The following CADPS2 variants were observed in gnomAD, a reference collection of about 807,000 sequenced individuals.
CADPS2 encodes calcium-dependent secretion activator 2.
In CADPS2, 93 loss-of-function variants were observed where a neutral mutation model predicts 172.5. That is an observed-to-expected ratio of 0.54 (90% CI 0.46 to 0.64). The LOEUF is 0.64. Among genes scored for constraint, CADPS2 ranks in the 30% least tolerant of loss-of-function variants. The pLI, the probability that CADPS2 is intolerant of heterozygous loss-of-function variation, is 0.00. For synonymous variants in CADPS2, 546 were observed against 555.2 expected, an observed-to-expected ratio of 0.98 and a Z score of 0.23; for missense variants, 1,420 against 1,565.9, an observed-to-expected ratio of 0.91 and a Z score of 1.57.
intron 28 of CADPS2, among the ~76,000 whole-genome samples, chr7:122,337,774 A>G (rs75567480): frequency 6.6e-6 from 1 of 151,696 alleles, no homozygotes; most frequent in East Asian, 1.9e-4. Context: ...AAAAAAAAAA[A>G]GCTGAGGAGC....
chr7:122,419,436 T>C (rs903565729), intron 17 of CADPS2, among the ~76,000 whole-genome samples: 2 of 152,202 alleles, frequency 1.3e-5, no homozygotes, highest in Non-Finnish European at 2.9e-5. Context: ...AAAATAACTT[T>C]TAAGCCTCAA....
At chr7:122,386,092 A>G (rs78633424) in intron 24 of CADPS2, among the ~76,000 whole-genome samples, 4,367 of 152,174 alleles carry the variant, frequency 0.029, 223 homozygotes, top group African/African-American at 0.1. Flanking sequence ...TATTTAAGGT[A>G]TAAGTATTTA....
At chr7:122,813,212 G>C (rs1295573305) in intron 1 of CADPS2, among the ~76,000 whole-genome samples, 3 of 152,024 alleles carry the variant, frequency 2.0e-5, no homozygotes, top group Non-Finnish European at 2.9e-5. Flanking sequence ...GACCCTCCCT[G>C]CAAGAAGTAA....
intron 25 of CADPS2, among the ~76,000 whole-genome samples, chr7:122,372,483 T>C (rs1280790889): frequency 1.3e-5 from 2 of 152,172 alleles, no homozygotes; most frequent in African/African-American, 4.8e-5. Flanking sequence ...GATTGAGAAC[T>C]TGGGCTCGTT....
chr7:122,569,542 A>G (rs1344689675), intron 7 of CADPS2, among the ~76,000 whole-genome samples: 1 of 135,628 alleles, frequency 7.4e-6, no homozygotes, highest in African/African-American at 3.2e-5. Context: ...TTTAAAGTTC[A>G]TATGGAACCA....
chr7:122,732,402 T>C (rs1382681429), intron 2 of CADPS2, among the ~76,000 whole-genome samples: 1 of 151,086 alleles, frequency 6.6e-6, no homozygotes, highest in East Asian at 1.9e-4. Context: ...TGGAAAAGGC[T>C]ATTCATAAAA....
At chr7:122,696,401 T>C (rs2136149874) in intron 2 of CADPS2, among the ~76,000 whole-genome samples, 1 of 152,358 alleles carries the variant, frequency 6.6e-6, no homozygotes, top group Non-Finnish European at 1.5e-5. Context: ...AAAAAGCCTT[T>C]GTGTACCAAG....
chr7:122,620,224 A>G (rs2075428014), intron 5 of CADPS2, among the ~76,000 whole-genome samples: 1 of 152,220 alleles, frequency 6.6e-6, no homozygotes, highest in Admixed American at 6.5e-5. Flanking sequence ...AATGAGCTAT[A>G]AGCCTCAATA....
At chr7:122,874,204 T>G (rs1366396874) in intron 1 of CADPS2, among the ~76,000 whole-genome samples, 1 of 152,206 alleles carries the variant, frequency 6.6e-6, no homozygotes, top group Non-Finnish European at 1.5e-5. Flanking sequence ...TTGACATTGC[T>G]TTTGGTGTTT....
chr7:122,637,208 T>TTTTTTTTTTTTTTTTCTC (rs778963218), intron 3 of CADPS2, among the ~76,000 whole-genome samples: 3 of 62,692 alleles, frequency 4.8e-5, no homozygotes, highest in African/African-American at 1.9e-4. Context: ...TTTTTTTTTT[T>TTTTTTTTTTTTTTTTCTC]CCTGAGACAG....
At chr7:122,676,226 C>A (rs1269986382) in intron 2 of CADPS2, among the ~76,000 whole-genome samples, 1 of 152,066 alleles carries the variant, frequency 6.6e-6, no homozygotes, top group African/African-American at 2.4e-5. Flanking sequence ...GAAACACCTA[C>A]AATACATTAG....
intron 6 of CADPS2, among the ~76,000 whole-genome samples, chr7:122,603,938 A>G (rs1332973264): frequency 6.6e-6 from 1 of 152,144 alleles, no homozygotes; most frequent in African/African-American, 2.4e-5. Context: ...TTCAGTTATA[A>G]GATGAACAAG....
intron 8 of CADPS2, among the ~76,000 whole-genome samples, chr7:122,543,997 T>C (rs1358522691): frequency 6.6e-6 from 1 of 152,170 alleles, no homozygotes; most frequent in Non-Finnish European, 1.5e-5. Context: ...TAGAACTATC[T>C]AGTAAAACTT....
chr7:122,684,573 C>A (rs1312211413), intron 2 of CADPS2, among the ~76,000 whole-genome samples: 2 of 152,040 alleles, frequency 1.3e-5, no homozygotes, highest in Non-Finnish European at 2.9e-5. Context: ...AAGTCAAACA[C>A]ATGATTTTAT....
intron 5 of CADPS2, among the ~76,000 whole-genome samples, chr7:122,619,691 T>C (rs2075360840): frequency 6.6e-6 from 1 of 152,146 alleles, no homozygotes; most frequent in Non-Finnish European, 1.5e-5. Context: ...AAGGGACGAA[T>C]TGTGTTTTGT....
Position 122,416,072 on chromosome 7 carries a change from G to A in CADPS2, c.2569C>T (p.His857Tyr). Reference sequence around the variant, plus strand: ...AAACAGGTCATCACCTCTGCATGATGCTCTTCATTCTGCTGTAAGACTTCT... The same window carrying A: ...AAACAGGTCATCACCTCTGCATGATACTCTTCATTCTGCTGTAAGACTTCT... ...CIEVLQQNEE[H>Y]HAEGREAFAW... The change falls in exon 18 of 30, where the codon CAT becomes TAT. Residue 857 changes from histidine to tyrosine, a missense_variant. Physicochemically the swap from His to Tyr is moderately conservative, Grantham distance 83. Coordinates refer to ENST00000449022, the MANE Select transcript of CADPS2 (RefSeq NM_017954.11). The A allele has an allele frequency of 5.9e-6, 9 of 1,528,942 alleles. No individual in the cohort carries two copies. The South Asian group carries it at 1.1e-4, about 19-fold the overall frequency. The allele number at this position is 1,528,942 out of a possible 1,614,324, so 94.7% of individuals were successfully genotyped here. A position where few individuals can be genotyped will look rare whatever the true frequency, so the allele number is the denominator to read the frequency against.
intron 25 of CADPS2, among the ~76,000 whole-genome samples, chr7:122,367,660 C>T (rs537074681): frequency 2.1e-5 from 3 of 145,414 alleles, no homozygotes; most frequent in African/African-American, 5.1e-5. Flanking sequence ...TCTTGTGCCT[C>T]GGCTTCCTGA....
At chr7:122,592,224 G>C (rs1042212961) in intron 6 of CADPS2, among the ~76,000 whole-genome samples, 6 of 151,918 alleles carry the variant, frequency 3.9e-5, no homozygotes, top group Non-Finnish European at 8.8e-5. Flanking sequence ...GCAGCCAAAA[G>C]ACACATGAAA....
intron 27 of CADPS2, among the ~76,000 whole-genome samples, chr7:122,352,163 C>A (rs1283065567): frequency 6.6e-6 from 1 of 151,968 alleles, no homozygotes; most frequent in Non-Finnish European, 1.5e-5. Context: ...TACAGTAGCA[C>A]CAAACACAAA....
Sources: gnomAD v4.1 joint callset for allele counts (sites outside exome capture counted in the v4.1 genomes callset) on GRCh38, gnomAD v4.1.1 for gene constraint, MANE v1.5 for transcripts, NCBI Gene and HGNC (gene_info 2026-07-23, HGNC 2026-07-21) for gene names.